CNTLN: variants seen among roughly 807,000 people sequenced by gnomAD.
CNTLN encodes centlein, centrosomal protein.
Under a neutral mutation model 180.0 loss-of-function variants are expected in CNTLN, and 212 were observed. The ratio of observed to expected loss-of-function variants is 1.18; its 90% CI spans 1.05 to 1.32. CNTLN has a LOEUF of 1.32. Ranked by LOEUF, CNTLN falls within the 40% of genes most tolerant of loss-of-function variation. The pLI, the probability that CNTLN is intolerant of heterozygous loss-of-function variation, is 0.00. For missense variants in CNTLN, 2,095 were observed against 1,610.9 expected, an observed-to-expected ratio of 1.30 and a Z score of -5.14; for synonymous variants, 722 against 563.1, an observed-to-expected ratio of 1.28 and a Z score of -3.99.
chr9:17,136,530 C>G (rs1366253784), intron 1 of CNTLN, among the ~76,000 whole-genome samples: 1 of 152,120 alleles, frequency 6.6e-6, no homozygotes, highest in South Asian at 2.1e-4. Context: ...GGGGTTTCAC[C>G]GTGTTAGCCA....
chr9:17,274,639 A>G (rs534341966), intron 6 of CNTLN, among the ~76,000 whole-genome samples: 1 of 152,222 alleles, frequency 6.6e-6, no homozygotes, highest in East Asian at 1.9e-4. Flanking sequence ...CTAGAGGTAT[A>G]TAATAGAGTT....
At chr9:17,216,818 G>A (rs949856488) in intron 2 of CNTLN, among the ~76,000 whole-genome samples, 1 of 152,210 alleles carries the variant, frequency 6.6e-6, no homozygotes, top group Non-Finnish European at 1.5e-5. Flanking sequence ...GGCTGCAAAG[G>A]GGTTGCAGTT....
rs114660927 is a variant in CNTLN at position 17,321,572 on chromosome 9, G to C, written c.1342-9060G>C. On this transcript the variant is annotated intron_variant, in intron 8 of 25. Coordinates refer to ENST00000380647, the MANE Select transcript of CNTLN (RefSeq NM_017738.4). ...AACATTTGGAAGGGTATATCTAATT[G>C]TGACGTGGAGAAAAAATGTCAGTAG... 5.2e-3 allele frequency among the ~76,000 whole-genome samples: 787 copies of C among 152,270 alleles called. 5 individuals carry two copies. The highest frequency in any genetic ancestry group is 0.018 in the African/African-American group (755 of 41,560).
chr9:17,513,121 C>G, the CNTLN span, among the ~76,000 whole-genome samples: 2 of 152,060 alleles, frequency 1.3e-5, no homozygotes, highest in Admixed American at 6.6e-5. Context: ...CCTAGTCTAT[C>G]ATTTTATACT....
chr9:17,513,703 T>C, the CNTLN span, among the ~76,000 whole-genome samples: 1 of 151,194 alleles, frequency 6.6e-6, no homozygotes, highest in African/African-American at 2.4e-5. Flanking sequence ...GACCCTGTCT[T>C]TAAAAAACAA....
At position 17,415,840 on chromosome 9, in the gene CNTLN, G is replaced by A; in HGVS notation, c.2849G>A (p.Cys950Tyr). 6.2e-7 allele frequency: 1 copy of A among 1,612,738 alleles called. No individual in the cohort carries two copies. Among genetic ancestry groups the A allele is most frequent in the Non-Finnish European group, 8.5e-7 (1 of 1,179,342 alleles). ...AAACCAACTTTTCAAAAGAAGAATTGCAAGATGCAAAAGAGTTCACATACA... is the reference window on the plus strand; with the variant it reads ...AAACCAACTTTTCAAAAGAAGAATTACAAGATGCAAAAGAGTTCACATACA... ...AKKPTFQKKN[C>Y]KMQKSSHTAV... The change falls in exon 17 of 26, where the codon TGC (cysteine) becomes TAC (tyrosine). Residue 950 changes from cysteine to tyrosine, a missense_variant. Transcript: ENST00000380647.
At chr9:17,438,699 G>C (rs530392016) in intron 18 of CNTLN, among the ~76,000 whole-genome samples, 74 of 152,172 alleles carry the variant, frequency 4.9e-4, no homozygotes, top group Non-Finnish European at 7.5e-4. Flanking sequence ...TAAGTAGTAG[G>C]ATATATGAGT....
intron 6 of CNTLN, among the ~76,000 whole-genome samples, chr9:17,296,984 T>C (rs184441463): frequency 1.3e-5 from 2 of 152,194 alleles, no homozygotes; most frequent in Non-Finnish European, 2.9e-5. Context: ...TTTAAAGTTA[T>C]AGGTAAAAAT....
At chr9:17,295,263 A>G (rs1023976766) in intron 6 of CNTLN, among the ~76,000 whole-genome samples, 13 of 152,140 alleles carry the variant, frequency 8.5e-5, no homozygotes, top group Non-Finnish European at 1.8e-4. Context: ...TGGCCAGCCA[A>G]GAAGGGGACT....
intron 2 of CNTLN, among the ~76,000 whole-genome samples, chr9:17,173,249 C>T (rs1281723695): frequency 2.0e-5 from 3 of 152,094 alleles, no homozygotes; most frequent in Admixed American, 6.5e-5. Context: ...TTGGAAATTT[C>T]ATGTCTTCTA....
intron 2 of CNTLN, among the ~76,000 whole-genome samples, chr9:17,180,454 C>T (rs1182302545): frequency 6.6e-6 from 1 of 150,722 alleles, no homozygotes; most frequent in Non-Finnish European, 1.5e-5. Flanking sequence ...AAACCTTTCT[C>T]TCTATTTTCC....
the CNTLN span, among the ~76,000 whole-genome samples, chr9:17,514,961 A>G: frequency 6.6e-6 from 1 of 152,236 alleles, no homozygotes; most frequent in African/African-American, 2.4e-5. Context: ...GAAAACTAGA[A>G]GGAACCTGGG....
Position 17,153,499 on chromosome 9 carries a change from C to G in CNTLN, c.449+10123C>G, listed in dbSNP as rs561938653. 1.1e-4 allele frequency among the ~76,000 whole-genome samples: 16 copies of G among 152,334 alleles called. No individual in the cohort carries two copies. The South Asian group carries it at 3.3e-3, about 32-fold the overall frequency. On this transcript the variant is annotated intron_variant, in intron 2 of 25. Transcript: ENST00000380647. ...AATATTGGCCTTAACTCTCTTCTGG[C>G]TTGTAGGGTTTCTCCAGAGAGAGAT...
At chr9:17,223,699 G>T (rs1587233551) in intron 2 of CNTLN, among the ~76,000 whole-genome samples, 1 of 151,792 alleles carries the variant, frequency 6.6e-6, no homozygotes, top group East Asian at 1.9e-4. Flanking sequence ...TTTCTCCCTT[G>T]ACCCTTAAGG....
At chr9:17,299,013 G>A in intron 7 of CNTLN, 1 of 813,034 alleles carries the variant, frequency 1.2e-6, no homozygotes, top group Non-Finnish European at 1.5e-6. Flanking sequence ...GGAGGCTGAG[G>A]CGGGCGAATC....
At chr9:17,488,522 A>G (rs1245033662) in intron 25 of CNTLN, among the ~76,000 whole-genome samples, 1 of 152,188 alleles carries the variant, frequency 6.6e-6, no homozygotes, top group Admixed American at 6.5e-5. Flanking sequence ...TAGAAATTTT[A>G]TCATAATTAT....
intron 23 of CNTLN, among the ~76,000 whole-genome samples, chr9:17,482,853 G>C (rs992565657): frequency 6.6e-6 from 1 of 152,080 alleles, no homozygotes; most frequent in Admixed American, 6.6e-5. Flanking sequence ...AAGTGAGTAT[G>C]ATTTTATTTA....
At chr9:17,299,634 T>C in intron 7 of CNTLN, 1 of 985,426 alleles carries the variant, frequency 1.0e-6, no homozygotes, top group Middle Eastern at 5.2e-4. Context: ...AGTCTTCCAC[T>C]TCAGCTAGAG....
the CNTLN span, among the ~76,000 whole-genome samples, chr9:17,517,267 C>T: frequency 2.6e-5 from 4 of 151,916 alleles, no homozygotes; most frequent in Non-Finnish European, 5.9e-5. Context: ...TGGCGGGCGC[C>T]TGTAGTCCCA....
Sources: allele counts gnomAD v4.1 joint callset (sites outside exome capture counted in the v4.1 genomes callset), GRCh38; gene constraint gnomAD v4.1.1; transcripts MANE v1.5; gene names NCBI Gene and HGNC (gene_info 2026-07-23, HGNC 2026-07-21).